Variants in MMP20 observed in about 807,000 individuals in gnomAD.
MMP20 encodes the protein matrix metallopeptidase 20, also known as matrix metalloproteinase-20.
Under a neutral mutation model 51.8 loss-of-function variants are expected in MMP20, and 50 were observed. The observed-to-expected ratio is 0.97, with a 90% CI of 0.77 to 1.22. The LOEUF (loss-of-function observed/expected upper bound fraction) is 1.22, where lower values mean the gene tolerates loss of function less well. Ranked by LOEUF, MMP20 falls within the 50% of genes most tolerant of loss-of-function variation. The pLI is 0.00. For missense variants in MMP20, 663 were observed against 601.4 expected (o/e 1.10, Z -1.07); for synonymous variants, 244 against 216.2 (o/e 1.13, Z -1.13).
intron 6 of MMP20, among the ~76,000 whole-genome samples, chr11:102,599,287 T>C (rs1336061197): frequency 1.3e-5 from 2 of 152,212 alleles, no homozygotes; most frequent in Non-Finnish European, 2.9e-5. Context: ...CCCAAAGTGC[T>C]GGGATTACAG....
chr11:102,593,755 G>T (rs538786271), intron 7 of MMP20, among the ~76,000 whole-genome samples, 160 bp from the exon 8 acceptor site: 1 of 152,290 alleles, frequency 6.6e-6, no homozygotes, highest in African/African-American at 2.4e-5. Flanking sequence ...ATTCAGTTCA[G>T]TAAAAGACTT....
chr11:102,609,826 G>A (rs1859572280), intron 4 of MMP20, 79 bp downstream of exon 4: 10 of 1,600,070 alleles, frequency 6.2e-6, no homozygotes, highest in Admixed American at 5.0e-5. Flanking sequence ...GGCTTGGGAC[G>A]TTGAACCTCA....
chr11:102,609,574 C>T (rs1859566785), intron 4 of MMP20, among the ~76,000 whole-genome samples: 1 of 152,158 alleles, frequency 6.6e-6, no homozygotes, highest in Non-Finnish European at 1.5e-5. Context: ...TACTGATTCT[C>T]TTGGGTCATT....
In MMP20 at chr11:102,609,106, A is replaced by G. The variant is rs1859559718; in HGVS notation, c.650-8T>C. ...CGGTAAACAAATTAAAACCTAGACA[A>G]TATGAGAGAGAAAAAAACAGTATCA... is the stretch of plus-strand genomic sequence containing the variant. On this transcript the variant is annotated splice_polypyrimidine_tract_variant and splice_region_variant and intron_variant, in intron 4 of 9. Coordinates refer to ENST00000260228, the MANE Select transcript of MMP20 (RefSeq NM_004771.4). 1.2e-6 allele frequency: 2 copies of G among 1,613,924 alleles called. No individual in the cohort carries two copies.
intron 9 of MMP20, among the ~76,000 whole-genome samples, chr11:102,577,879 T>C (rs1435405738): frequency 6.6e-6 from 1 of 152,234 alleles, no homozygotes; most frequent in East Asian, 1.9e-4. Context: ...GACTCAACAC[T>C]AAATTATAGA....
At chr11:102,585,879 A>G (rs1358083550) in intron 8 of MMP20, among the ~76,000 whole-genome samples, 1 of 151,862 alleles carries the variant, frequency 6.6e-6, no homozygotes, top group Non-Finnish European at 1.5e-5. Context: ...TGATCATATG[A>G]TTTTTGTTTT....
intron 8 of MMP20, among the ~76,000 whole-genome samples, chr11:102,584,594 A>G (rs1192624773): frequency 6.6e-6 from 1 of 152,152 alleles, no homozygotes; most frequent in Non-Finnish European, 1.5e-5. Context: ...CTTTGTTGAT[A>G]GTGTACTGTG....
At chr11:102,591,433 C>A (rs978263806) in intron 8 of MMP20, among the ~76,000 whole-genome samples, 1 of 152,208 alleles carries the variant, frequency 6.6e-6, no homozygotes, top group Non-Finnish European at 1.5e-5. Flanking sequence ...TTATGCATCA[C>A]AACTTGTTAA....
chr11:102,593,368 G>A, intron 8 of MMP20, 71 bp downstream of exon 8: 2 of 1,536,090 alleles, frequency 1.3e-6, no homozygotes, highest in Non-Finnish European at 1.8e-6. Flanking sequence ...TTCTTTCGTG[G>A]AAGGGTTTTT....
In MMP20 at chr11:102,579,900, A is replaced by G. The variant is rs529543369; in HGVS notation, c.1248-758T>C. Among the ~76,000 whole-genome samples, 6 of 152,360 alleles carry G rather than the reference A, an allele frequency of 3.9e-5. No individual in the cohort carries two copies. In the South Asian group the frequency reaches 1.2e-3, roughly 32 times the overall value. On this transcript the variant is annotated intron_variant, in intron 8 of 9. Transcript: ENST00000260228. Reference sequence around the variant, plus strand: ...CTCTATCAATTCCTTGGTTCATCAAATCATTGAAAGCCTTTCATAGGTGCT... The same window carrying G: ...CTCTATCAATTCCTTGGTTCATCAAGTCATTGAAAGCCTTTCATAGGTGCT...
intron 6 of MMP20, among the ~76,000 whole-genome samples, chr11:102,597,452 AAGT>A (rs1859395101): frequency 6.6e-6 from 1 of 152,218 alleles, no homozygotes; most frequent in Non-Finnish European, 1.5e-5. Flanking sequence ...GACTAAATTG[AAGT>A]AGTCATTGTA....
Position 102,594,635 on chromosome 11 carries a change from G to A in MMP20, c.1076C>T (p.Ala359Val), listed in dbSNP as rs779224933. 2 of 1,613,824 alleles carry A rather than the reference G, an allele frequency of 1.2e-6. No individual in the cohort carries two copies. Among genetic ancestry groups the A allele is most frequent in the South Asian group, 2.2e-5 (2 of 91,048 alleles). Residue 359 changes from alanine (A) to valine (V), a missense_variant, in exon 7 of 10, where the codon GCT becomes GTT. Transcript: ENST00000260228. ...CTGTAGGGTACCTTTGAAGAAGTAA[G>A]CAGTGCCCCTCTCAGCCACTTCGTA... ...AAYEVAERGT[A>V]YFFKGPHYWI...
At chr11:102,623,069 T>C (rs1859770921) in intron 1 of MMP20, among the ~76,000 whole-genome samples, 1 of 152,146 alleles carries the variant, frequency 6.6e-6, no homozygotes, top group Non-Finnish European at 1.5e-5. Context: ...TGCTCCTTGG[T>C]CTAAGGTCTT....
chr11:102,611,233 A>G (rs1419644092), intron 3 of MMP20, among the ~76,000 whole-genome samples: 2 of 152,212 alleles, frequency 1.3e-5, no homozygotes, highest in Non-Finnish European at 2.9e-5. Context: ...GAAGTGGGAA[A>G]GTTGGAGGCA....
rs1859298245 is a variant in MMP20 at position 102,589,884 on chromosome 11, A to C, written c.1247+3555T>G. On this transcript the variant is annotated intron_variant, in intron 8 of 9. Transcript: ENST00000260228. ...TTTATTTATTTATGGTGACTATAAAATCCTCAAATAAAAACATCTATTTCT... is the reference window on the plus strand; with the variant it reads ...TTTATTTATTTATGGTGACTATAAACTCCTCAAATAAAAACATCTATTTCT... Among the ~76,000 whole-genome samples, 3 of 152,184 alleles carry C rather than the reference A, an allele frequency of 2.0e-5. No individual in the cohort carries two copies. In the South Asian group the frequency reaches 6.2e-4, roughly 32 times the overall value.
At chr11:102,603,040 C>T (rs1454043879) in intron 6 of MMP20, among the ~76,000 whole-genome samples, 1 of 152,206 alleles carries the variant, frequency 6.6e-6, no homozygotes, top group Non-Finnish European at 1.5e-5. Context: ...TATTTCTCTT[C>T]ACACAGAACA....
intron 6 of MMP20, 109 bp downstream of exon 6, chr11:102,606,426 C>A (rs1173618685): frequency 3.0e-5 from 43 of 1,426,940 alleles, no homozygotes; most frequent in Non-Finnish European, 3.5e-5. Flanking sequence ...CATAGGACAG[C>A]ATTTCTGCAT....
In MMP20 at chr11:102,615,460, C is replaced by A. The variant is rs17099032; in HGVS notation, c.374+1352G>T. On this transcript the variant is annotated intron_variant, in intron 2 of 9. Transcript: ENST00000260228. ...GGATTGGCTTCTGTGAGCTATTAGGCGGCAGCTCTACCATACCACTGCTTA... is the reference window on the plus strand; with the variant it reads ...GGATTGGCTTCTGTGAGCTATTAGGAGGCAGCTCTACCATACCACTGCTTA... Among the ~76,000 whole-genome samples the A allele has an allele frequency of 6.7e-3, 1,025 of 152,216 alleles. 17 individuals are homozygous for A. The highest frequency in any genetic ancestry group is 0.024 in the African/African-American group (977 of 41,530).
chr11:102,603,550 C>T (rs1334216134), intron 6 of MMP20, among the ~76,000 whole-genome samples: 2 of 152,214 alleles, frequency 1.3e-5, no homozygotes, highest in African/African-American at 4.8e-5. Flanking sequence ...TCAGGCCTCA[C>T]AGGGGAATTG....
Sources: gnomAD v4.1 joint callset for allele counts (sites outside exome capture counted in the v4.1 genomes callset) on GRCh38, gnomAD v4.1.1 for gene constraint, MANE v1.5 for transcripts, NCBI Gene and HGNC (gene_info 2026-07-23, HGNC 2026-07-21) for gene names.